ADGRF1: variants seen among roughly 807,000 people sequenced by gnomAD.
The protein encoded by ADGRF1 is adhesion G protein-coupled receptor F1.
A neutral mutation model predicts 87.2 loss-of-function variants in ADGRF1; 85 were observed. The ratio of observed to expected loss-of-function variants is 0.97; its 90% CI spans 0.82 to 1.17. The LOEUF (loss-of-function observed/expected upper bound fraction) is 1.17, where lower values mean the gene tolerates loss of function less well. Ranked by LOEUF, ADGRF1 falls within the 50% of genes most tolerant of loss-of-function variation. The pLI is 0.00. For synonymous variants in ADGRF1, 430 were observed against 408.8 expected (o/e 1.05, Z -0.63); for missense variants, 1,169 against 1,077.2 (o/e 1.09, Z -1.19).
Position 47,012,135 on chromosome 6 carries a change from G to T in ADGRF1, c.988C>A (p.Leu330Ile). Reference sequence around the variant, plus strand: ...GGGTTTTGCCGAATGATGACAGAAAGATTTTGCACGAAGGATGACACAGCT... The same window carrying T: ...GGGTTTTGCCGAATGATGACAGAAATATTTTGCACGAAGGATGACACAGCT... ...EAAVSSFVQNLSVIIRQNPST... is the reference protein window; with the variant it reads ...EAAVSSFVQNISVIIRQNPST... Residue 330 changes from leucine (L) to isoleucine (I), a missense_variant, in exon 10 of 15, where the codon CTT becomes ATT. Coordinates refer to ENST00000371253, the MANE Select transcript of ADGRF1 (RefSeq NM_153840.4). 6.2e-7 allele frequency: 1 copy of T among 1,614,090 alleles called. No individual in the cohort carries two copies. The highest frequency in any genetic ancestry group is 8.5e-7 in the Non-Finnish European group (1 of 1,179,944).
chr6:47,023,328 A>G (rs1269724575), intron 5 of ADGRF1, among the ~76,000 whole-genome samples: 1 of 152,194 alleles, frequency 6.6e-6, no homozygotes, highest in African/African-American at 2.4e-5. Context: ...AGTCCCAGGA[A>G]GGAGAGCCAG....
chr6:47,025,462 C>T (rs1048922437), intron 4 of ADGRF1, among the ~76,000 whole-genome samples: 9 of 152,170 alleles, frequency 5.9e-5, no homozygotes, highest in Non-Finnish European at 1.2e-4. Context: ...TTGCTGTCTT[C>T]CAGGTACACA....
chr6:47,027,992 G>A (rs908351855), intron 2 of ADGRF1, among the ~76,000 whole-genome samples: 5 of 152,172 alleles, frequency 3.3e-5, no homozygotes, highest in African/African-American at 7.2e-5. Context: ...CGCTGAGAGA[G>A]GAGAGTGAGA....
intron 1 of ADGRF1, among the ~76,000 whole-genome samples, chr6:47,032,529 C>T (rs1479302341): frequency 6.6e-6 from 1 of 152,194 alleles, no homozygotes; most frequent in Non-Finnish European, 1.5e-5. Context: ...AATGAAATCT[C>T]AAGGCACATG....
chr6:47,026,718 G>T (rs1410108423), intron 3 of ADGRF1, among the ~76,000 whole-genome samples: 3 of 151,994 alleles, frequency 2.0e-5, no homozygotes, highest in African/African-American at 7.2e-5. Flanking sequence ...GGGCTTCAAG[G>T]TCCCCCGAAG....
intron 7 of ADGRF1, chr6:47,017,506 C>T (rs1779918674): frequency 6.6e-6 from 1 of 151,888 alleles, no homozygotes; most frequent in African/African-American, 2.4e-5. Context: ...ATAGAACTTA[C>T]TAATGGAGAA....
At chr6:47,029,296 C>T (rs902378751) in intron 1 of ADGRF1, among the ~76,000 whole-genome samples, 192 bp from the exon 2 acceptor site, 3 of 152,010 alleles carry the variant, frequency 2.0e-5, no homozygotes, top group Non-Finnish European at 4.4e-5. Flanking sequence ...TCCATCATTA[C>T]AAACTTACTA....
At position 47,010,130 on chromosome 6, in the gene ADGRF1, T is replaced by C. The variant is rs1288531362; in HGVS notation, c.1305A>G (p.Pro435=). The C allele has an allele frequency of 1.9e-6, 3 of 1,614,186 alleles. No homozygotes were observed. The highest frequency in any genetic ancestry group is 2.5e-6 in the Non-Finnish European group (3 of 1,180,030). The part of the protein sequence containing the change: ...SRKFIDWKGI[P]VNKSQLKRGY... ...CCCTTTTGAGTTGGCTTTTGTTCAC[T>C]GGAATCCCTTTCCAGTCAATGAATT... Residue 435 remains proline (P), a synonymous_variant, in exon 11 of 15, where the codon CCA becomes CCG. Transcript: ENST00000371253.
intron 12 of ADGRF1, among the ~76,000 whole-genome samples, chr6:47,007,033 G>A (rs1253519561): frequency 2.6e-5 from 4 of 151,922 alleles, no homozygotes; most frequent in Non-Finnish European, 4.4e-5. Context: ...TTCCGACAAC[G>A]TTTACATTAC....
chr6:47,021,846 C>A, intron 6 of ADGRF1, 112 bp downstream of exon 6: 1 of 631,964 alleles, frequency 1.6e-6, no homozygotes, highest in Non-Finnish European at 2.8e-6. Context: ...TTGTTATTTG[C>A]TCACTGAAAA....
intron 13 of ADGRF1, among the ~76,000 whole-genome samples, chr6:47,003,633 G>A (rs1182836512): frequency 6.6e-6 from 1 of 152,196 alleles, no homozygotes; most frequent in African/African-American, 2.4e-5. Flanking sequence ...AATTGCCAAT[G>A]AGAAAATCTT....
intron 1 of ADGRF1, among the ~76,000 whole-genome samples, chr6:47,031,959 C>T (rs1423755482): frequency 2.6e-5 from 4 of 152,148 alleles, no homozygotes; most frequent in African/African-American, 7.2e-5. Context: ...AATTCTCCCA[C>T]CTCAGCTTCC....
intron 6 of ADGRF1, among the ~76,000 whole-genome samples, chr6:47,021,004 G>A (rs562215512): frequency 1.3e-3 from 196 of 152,238 alleles, no homozygotes; most frequent in African/African-American, 4.3e-3. Context: ...ACATATACAC[G>A]TATAAAATGT....
chr6:47,029,203 TC>T (rs1780338694), intron 1 of ADGRF1, 99 bp from the exon 2 acceptor site: 7 of 655,992 alleles, frequency 1.1e-5, no homozygotes, highest in Middle Eastern at 2.5e-4. Context: ...ACTGAGCTGA[TC>T]CGAACCCCTG....
Position 47,009,379 on chromosome 6 carries a change from T to G in ADGRF1, c.2056A>C (p.Ile686Leu), listed in dbSNP as rs1158686498. Residue 686 changes from isoleucine to leucine, a missense_variant, in exon 11 of 15, where the codon ATC becomes CTC. Transcript: ENST00000371253. ...GCCATGTGATGGAACACGAGGATGA[T>G]CCGGTAAGCCAGCAGGATGCCAAGC... ...LMLGILLAYR[I>L]ILVFHHMAQH... The G allele has an allele frequency of 6.2e-7, 1 of 1,614,010 alleles. No individual in the cohort carries two copies.
At chr6:47,029,655 A>G (rs1780349397) in intron 1 of ADGRF1, among the ~76,000 whole-genome samples, 1 of 152,232 alleles carries the variant, frequency 6.6e-6, no homozygotes, top group African/African-American at 2.4e-5. Context: ...CCTGGTCACA[A>G]GATTAATCAC....
At chr6:47,039,637 T>G (rs568139502) in intron 1 of ADGRF1, among the ~76,000 whole-genome samples, 179 of 152,314 alleles carry the variant, frequency 1.2e-3, no homozygotes, top group African/African-American at 4.2e-3. Context: ...GTACTATCCC[T>G]CCAAGATCCT....
In ADGRF1 at chr6:47,005,787, A is replaced by T. The variant is rs764416777; in HGVS notation, c.2592+30T>A. 5.8e-6 allele frequency: 9 copies of T among 1,552,692 alleles called. No homozygotes were observed. In the South Asian group the frequency reaches 9.1e-5, roughly 16 times the overall value. On this transcript the variant is annotated intron_variant, in intron 13 of 14. Coordinates refer to ENST00000371253, the MANE Select transcript of ADGRF1 (RefSeq NM_153840.4). ...AGAATGCAAAACTGGAACTTCATGT[A>T]TTGGATTCATGGCAGTAGGAGATAA...
In ADGRF1 at chr6:47,004,659, CT is replaced by C. The variant is rs1779466369; in HGVS notation, c.2592+1157del. 2.0e-5 allele frequency among the ~76,000 whole-genome samples: 3 copies of C among 152,252 alleles called. No individual in the cohort carries two copies. The South Asian group carries it at 6.2e-4, about 32-fold the overall frequency. On this transcript the variant is annotated intron_variant, in intron 13 of 14. Coordinates refer to ENST00000371253, the MANE Select transcript of ADGRF1 (RefSeq NM_153840.4). ...TAGTCACATGTGCTGTAATTTTCTCCTTTTCTTAAGTGTAGGTAATGACTCA... is the reference window on the plus strand; with the variant it reads ...TAGTCACATGTGCTGTAATTTTCTCCTTTCTTAAGTGTAGGTAATGACTCA...
Sources: gnomAD v4.1 joint callset for allele counts (sites outside exome capture counted in the v4.1 genomes callset) on GRCh38, gnomAD v4.1.1 for gene constraint, MANE v1.5 for transcripts, NCBI Gene and HGNC (gene_info 2026-07-23, HGNC 2026-07-21) for gene names.